Variants in ELAVL4 observed in about 807,000 individuals in gnomAD.
ELAVL4 encodes ELAV-like protein 4.
ELAVL4 carries 1 observed loss-of-function variant against 35.6 expected under a neutral mutation model. That is an observed-to-expected ratio of 0.03 (90% CI 0.01 to 0.13). The LOEUF is 0.13. Ranked by LOEUF, ELAVL4 falls within the 10% of genes least tolerant of loss-of-function variation. The probability of loss-of-function intolerance (pLI) is 1.00; values close to 1 mark genes in which losing one functional copy is unlikely to be tolerated. For synonymous variants in ELAVL4, 156 were observed against 171.0 expected (o/e 0.91, Z 0.69); for missense variants, 267 against 464.9 (o/e 0.57, Z 3.91).
At chr1:50,084,143 G>T (rs933979891) in intron 1 of ELAVL4, among the ~76,000 whole-genome samples, 1 of 152,142 alleles carries the variant, frequency 6.6e-6, no homozygotes, top group African/African-American at 2.4e-5. Context: ...CACATGTTCA[G>T]TGTTAACAAT....
At chr1:50,184,761 G>A (rs781438585) in intron 3 of ELAVL4, among the ~76,000 whole-genome samples, 1 of 152,060 alleles carries the variant, frequency 6.6e-6, no homozygotes, top group East Asian at 1.9e-4. Context: ...TCCGATCATC[G>A]GAAGCATTCA....
intron 5 of ELAVL4, among the ~76,000 whole-genome samples, chr1:50,196,449 G>GTATCTCTATCTATTATATTTA (rs1644066967): frequency 6.6e-6 from 1 of 152,122 alleles, no homozygotes; most frequent in African/African-American, 2.4e-5. Context: ...ACCTTGACTG[G>GTATCTCTATCTATTATATTTA]TCTCTATTAT....
At chr1:50,148,347 G>T (rs1674113886) in intron 2 of ELAVL4, among the ~76,000 whole-genome samples, 1 of 152,172 alleles carries the variant, frequency 6.6e-6, no homozygotes, top group Non-Finnish European at 1.5e-5. Context: ...CCTCTGGAGA[G>T]TCTATCTAAT....
At chr1:50,121,831 A>G (rs544993914) in intron 1 of ELAVL4, among the ~76,000 whole-genome samples, 1 of 152,182 alleles carries the variant, frequency 6.6e-6, no homozygotes, top group South Asian at 2.1e-4. Flanking sequence ...TTATTAACCA[A>G]AGTATTTATT....
intron 1 of ELAVL4, among the ~76,000 whole-genome samples, chr1:50,053,898 G>C (rs1404765443): frequency 6.6e-6 from 1 of 152,178 alleles, no homozygotes; most frequent in Non-Finnish European, 1.5e-5. Flanking sequence ...AATACAGTAG[G>C]CCTCACTGGT....
At position 50,094,305 on chromosome 1, in the gene ELAVL4, GTT is replaced by G. The variant is rs1380735554; in HGVS notation, c.18+46126_18+46127del. 2.0e-5 allele frequency among the ~76,000 whole-genome samples: 3 copies of G among 152,242 alleles called. No individual in the cohort carries two copies. The East Asian group carries it at 5.8e-4, about 29-fold the overall frequency. On this transcript the variant is annotated intron_variant, in intron 1 of 6. Transcript: ENST00000448907. ...AAAACCATGTCCTATAAATTTGTGGGTTTTGTTAGAGGTCTGCTGGGTACCAC... is the reference window on the plus strand; with the variant it reads ...AAAACCATGTCCTATAAATTTGTGGGTTGTTAGAGGTCTGCTGGGTACCAC...
rs1680216867 is a variant in ELAVL4 at position 50,177,329 on chromosome 1, C to T, written c.354+137C>T. 10 of 674,778 alleles carry T rather than the reference C, an allele frequency of 1.5e-5. No homozygotes were observed. The Admixed American group carries it at 1.5e-4, about 10-fold the overall frequency. 41.8% of individuals were successfully genotyped at this position (674,778 alleles called of 1,614,324 possible). A position where few individuals can be genotyped will look rare whatever the true frequency, so the allele number is the denominator to read the frequency against. On this transcript the variant is annotated intron_variant, in intron 3 of 6. Coordinates refer to ENST00000371824, the MANE Select transcript of ELAVL4 (RefSeq NM_001144774.3). Reference sequence around the variant, plus strand: ...CAAAGAACATTTACCATCCACTATACTAAATGGGAGACACAGAGTGTTACA... The same window carrying T: ...CAAAGAACATTTACCATCCACTATATTAAATGGGAGACACAGAGTGTTACA...
intron 2 of ELAVL4, among the ~76,000 whole-genome samples, chr1:50,165,515 A>ATATACGTATATACATATACC (rs1553182990): frequency 3.3e-5 from 5 of 150,108 alleles, no homozygotes; most frequent in African/African-American, 1.2e-4. Flanking sequence ...TACTATGCAT[A>ATATACGTATATACATATACC]TATACGTATA....
intron 1 of ELAVL4, chr1:50,144,533 C>T (rs776186472): frequency 4.2e-6 from 2 of 481,870 alleles, no homozygotes; most frequent in South Asian, 1.5e-5. Flanking sequence ...TAAACAGGTA[C>T]TGTATTTGAT....
In ELAVL4 at chr1:50,097,887, G is replaced by T. The variant is rs546362716; in HGVS notation, c.19-47070G>T. On this transcript the variant is annotated intron_variant, in intron 1 of 6. Coordinates refer to the ELAVL4 transcript ENST00000448907. ...AGATTACTGTTCTAAGTCCTTGTGT[G>T]TTTTGTTTCCTTTTGCCCCAAGGTA... Among the ~76,000 whole-genome samples the T allele has an allele frequency of 5.9e-5, 9 of 152,280 alleles. 1 individual carries two copies. Among genetic ancestry groups the T allele is most frequent in the African/African-American group, 2.2e-4 (9 of 41,572 alleles).
chr1:50,064,798 T>A (rs915819308), intron 1 of ELAVL4, among the ~76,000 whole-genome samples: 8 of 152,314 alleles, frequency 5.3e-5, no homozygotes, highest in Admixed American at 6.5e-5. Context: ...TTTATTCCAT[T>A]CATTTGACAA....
At chr1:50,049,905 T>C (rs1663263209) in intron 1 of ELAVL4, among the ~76,000 whole-genome samples, 1 of 152,216 alleles carries the variant, frequency 6.6e-6, no homozygotes, top group Non-Finnish European at 1.5e-5. Flanking sequence ...ATAAGGTACT[T>C]GGGTGTGGGT....
intron 2 of ELAVL4, among the ~76,000 whole-genome samples, chr1:50,171,705 A>G (rs1320764542): frequency 6.6e-6 from 1 of 152,196 alleles, no homozygotes; most frequent in East Asian, 1.9e-4. Flanking sequence ...GTTATACAGC[A>G]AGTAGTTTTG....
chr1:50,104,624 C>T (rs1022651129), upstream of ELAVL4, among the ~76,000 whole-genome samples: 1 of 152,136 alleles, frequency 6.6e-6, no homozygotes, highest in African/African-American at 2.4e-5. Flanking sequence ...GGTTCCAGAC[C>T]TTTAATTTTG....
chr1:50,089,150 G>C (rs1665381184), intron 1 of ELAVL4, among the ~76,000 whole-genome samples: 1 of 152,138 alleles, frequency 6.6e-6, no homozygotes. Flanking sequence ...ATGGTCGCTG[G>C]CTTTGTAGAA....
chr1:50,059,599 T>G (rs1447189114), intron 1 of ELAVL4, among the ~76,000 whole-genome samples: 1 of 152,104 alleles, frequency 6.6e-6, no homozygotes, highest in Admixed American at 6.5e-5. Flanking sequence ...TGTTTTGCTT[T>G]CAGTCCTTGG....
intron 4 of ELAVL4, among the ~76,000 whole-genome samples, chr1:50,194,623 A>G (rs1303138855): frequency 2.0e-5 from 3 of 152,170 alleles, no homozygotes; most frequent in Non-Finnish European, 2.9e-5. Context: ...TGCCCTAGAC[A>G]TTGTGCAGAG....
chr1:50,062,624 T>C (rs1174358078), intron 1 of ELAVL4, among the ~76,000 whole-genome samples: 1 of 152,158 alleles, frequency 6.6e-6, no homozygotes, highest in Admixed American at 6.5e-5. Flanking sequence ...AGGAGAATCA[T>C]TTGTTTGCTT....
intron 1 of ELAVL4, among the ~76,000 whole-genome samples, chr1:50,072,748 C>T (rs1572129871): frequency 6.6e-6 from 1 of 152,116 alleles, no homozygotes; most frequent in Admixed American, 6.6e-5. Flanking sequence ...GTGCTTAATC[C>T]TTTATCTGAA....
Sources: gnomAD v4.1 joint callset for allele counts (sites outside exome capture counted in the v4.1 genomes callset) on GRCh38, gnomAD v4.1.1 for gene constraint, MANE v1.5 for transcripts, NCBI Gene and HGNC (gene_info 2026-07-23, HGNC 2026-07-21) for gene names.